PDGFD: variants seen among roughly 807,000 people sequenced by gnomAD.
PDGFD encodes the protein platelet derived growth factor D.
PDGFD carries 30 observed loss-of-function variants against 44.7 expected under a neutral mutation model. That is an observed-to-expected ratio of 0.67 (90% CI 0.50 to 0.91). The LOEUF (loss-of-function observed/expected upper bound fraction) is 0.91, where lower values mean the gene tolerates loss of function less well. Ranked by LOEUF, PDGFD falls within the 40% of genes least tolerant of loss-of-function variation. The pLI, the probability that PDGFD is intolerant of heterozygous loss-of-function variation, is 0.00. For missense variants in PDGFD, 445 were observed against 457.8 expected, an observed-to-expected ratio of 0.97 and a Z score of 0.25; for synonymous variants, 173 against 168.4, an observed-to-expected ratio of 1.03 and a Z score of -0.21.
chr11:103,951,887 T>C (rs1026946602), intron 3 of PDGFD, among the ~76,000 whole-genome samples: 1 of 152,232 alleles, frequency 6.6e-6, no homozygotes, highest in Admixed American at 6.5e-5. Context: ...ATTGTCTCTT[T>C]CCTCAAGTGA....
intron 1 of PDGFD, among the ~76,000 whole-genome samples, chr11:104,162,574 G>C (rs565242948): frequency 6.6e-6 from 1 of 151,484 alleles, no homozygotes. Context: ...TGACTCTGTG[G>C]CTTCCCCTGC....
chr11:104,021,310 T>C (rs1263067426), intron 1 of PDGFD, among the ~76,000 whole-genome samples: 3 of 152,204 alleles, frequency 2.0e-5, no homozygotes, highest in Non-Finnish European at 4.4e-5. Flanking sequence ...AAGTGTATGA[T>C]ATGATAGATT....
Position 104,035,576 on chromosome 11 carries a change from T to C in PDGFD, c.125-35321A>G, listed in dbSNP as rs1200396333. On this transcript the variant is annotated intron_variant, in intron 1 of 6. Transcript: ENST00000393158. Reference sequence around the variant, plus strand: ...ACTTCTTTTTCTTTTTTTTTTTTTTTTTTTTTGGAGGAGGAATTCTTGCTA... The same window carrying C: ...ACTTCTTTTTCTTTTTTTTTTTTTTCTTTTTTGGAGGAGGAATTCTTGCTA... Among the ~76,000 whole-genome samples, 1,098 of 149,996 alleles carry C rather than the reference T, an allele frequency of 7.3e-3. 29 individuals are homozygous for C. Among genetic ancestry groups the C allele is most frequent in the Non-Finnish European group, 7.0e-3 (470 of 67,448 alleles).
At chr11:104,098,425 A>G (rs1171498329) in intron 1 of PDGFD, among the ~76,000 whole-genome samples, 2 of 152,144 alleles carry the variant, frequency 1.3e-5, no homozygotes, top group Admixed American at 6.5e-5. Context: ...AGTTGCTCCC[A>G]TAAGAAGTAT....
At chr11:104,146,147 A>G (rs551252763) in intron 1 of PDGFD, among the ~76,000 whole-genome samples, 1 of 152,350 alleles carries the variant, frequency 6.6e-6, no homozygotes, top group South Asian at 2.1e-4. Flanking sequence ...TTCGACAAAC[A>G]CTGAATTAAC....
chr11:104,000,161 G>A lies in PDGFD; in HGVS notation c.219C>T (p.Tyr73=). The A allele has an allele frequency of 6.2e-7, 1 of 1,613,994 alleles. No homozygotes were observed. Among genetic ancestry groups the A allele is most frequent in the South Asian group, 1.1e-5 (1 of 91,074 alleles). The change falls in exon 2 of 7, where the codon TAC becomes TAT. Residue 73 remains tyrosine (Y), a synonymous_variant. Transcript: ENST00000393158. ...YVQSPRFPNS[Y]PRNLLLTWRL... ...GCCATGTCAGGAGCAGGTTCCTGGG[G>A]TAGCTGTTCGGGAATCTAGGACTCT...
rs1282338263 is a variant in PDGFD, at chr11:103,908,207, G to C, written c.*1487C>G. On this transcript the variant is annotated 3_prime_UTR_variant, in exon 7 of 7. Coordinates refer to ENST00000393158, the MANE Select transcript of PDGFD (RefSeq NM_025208.5). ...TCTGTTAGCAGTCCCTGAGCTATCT[G>C]AATTTCGGTGTTTCTCTCTTAAGCC... is the stretch of plus-strand genomic sequence containing the variant. The C allele has an allele frequency of 6.6e-6, 1 of 152,176 alleles. No individual in the cohort carries two copies. Among genetic ancestry groups the C allele is most frequent in the Non-Finnish European group, 1.5e-5 (1 of 68,026 alleles). 9.4% of individuals were successfully genotyped at this position (152,176 alleles called of 1,614,324 possible). A position where few individuals can be genotyped will look rare whatever the true frequency, so the allele number is the denominator to read the frequency against.
At chr11:104,007,751 A>C (rs908588165) in intron 1 of PDGFD, among the ~76,000 whole-genome samples, 2 of 152,224 alleles carry the variant, frequency 1.3e-5, no homozygotes, top group African/African-American at 4.8e-5. Flanking sequence ...ATGATCCTAT[A>C]ATATGTCATA....
intron 3 of PDGFD, among the ~76,000 whole-genome samples, chr11:103,949,640 A>G (rs1261984457): frequency 1.3e-5 from 2 of 152,226 alleles, no homozygotes; most frequent in African/African-American, 4.8e-5. Flanking sequence ...TGCTATTAAT[A>G]CTTTCTGAGC....
chr11:103,996,015 C>T (rs764347797), intron 3 of PDGFD, 50 bp downstream of exon 3: 10 of 1,519,236 alleles, frequency 6.6e-6, no homozygotes, highest in Non-Finnish European at 4.5e-6. Context: ...GATCTCTACA[C>T]TTCATGAAAC....
At chr11:103,998,160 A>G (rs527521490) in intron 2 of PDGFD, among the ~76,000 whole-genome samples, 13 of 152,178 alleles carry the variant, frequency 8.5e-5, no homozygotes, top group Non-Finnish European at 1.6e-4. Flanking sequence ...AACTCTTGGA[A>G]TTTCTGAGTG....
intron 1 of PDGFD, among the ~76,000 whole-genome samples, chr11:104,110,309 T>A (rs10895573): frequency 0.1 from 15,629 of 151,726 alleles, 959 homozygotes; most frequent in East Asian, 0.32. Flanking sequence ...TAAAAATTTT[T>A]AAAAATTAAA....
intron 5 of PDGFD, among the ~76,000 whole-genome samples, chr11:103,941,825 T>C (rs1394756488): frequency 6.6e-6 from 1 of 152,144 alleles, no homozygotes; most frequent in East Asian, 1.9e-4. Context: ...TTATTGCTCG[T>C]TTGTCCAATA....
intron 3 of PDGFD, among the ~76,000 whole-genome samples, chr11:103,988,170 T>TC (rs1403408397): frequency 6.6e-6 from 1 of 152,148 alleles, no homozygotes; most frequent in Non-Finnish European, 1.5e-5. Flanking sequence ...TACTTCGTTT[T>TC]CCTCATTTTC....
intron 1 of PDGFD, among the ~76,000 whole-genome samples, chr11:104,074,413 T>C (rs900839869): frequency 5.3e-5 from 8 of 152,244 alleles, no homozygotes; most frequent in Non-Finnish European, 1.2e-4. Context: ...ACATCTTAAA[T>C]GTTTCTGGGT....
At chr11:103,987,841 C>T (rs1859392737) in intron 3 of PDGFD, among the ~76,000 whole-genome samples, 3 of 145,048 alleles carry the variant, frequency 2.1e-5, no homozygotes, top group African/African-American at 7.7e-5. Context: ...GCTGTTGCCT[C>T]CCTGACACAG....
intron 3 of PDGFD, among the ~76,000 whole-genome samples, chr11:103,965,491 C>G (rs1047026731): frequency 6.6e-6 from 1 of 152,186 alleles, no homozygotes; most frequent in Non-Finnish European, 1.5e-5. Context: ...AAAATTCCCC[C>G]TTGACATTTG....
chr11:104,156,745 A>G (rs774156725), intron 1 of PDGFD, among the ~76,000 whole-genome samples: 2 of 152,248 alleles, frequency 1.3e-5, no homozygotes, highest in Non-Finnish European at 2.9e-5. Context: ...ATCAACAGTT[A>G]TAAGAAACAA....
chr11:103,977,777 C>T (rs1859205372), intron 3 of PDGFD, among the ~76,000 whole-genome samples: 1 of 152,070 alleles, frequency 6.6e-6, no homozygotes, highest in South Asian at 2.1e-4. Flanking sequence ...GGGACACTTG[C>T]CACTTATTAT....
Sources: allele counts gnomAD v4.1 joint callset (sites outside exome capture counted in the v4.1 genomes callset), GRCh38; gene constraint gnomAD v4.1.1; transcripts MANE v1.5; gene names NCBI Gene and HGNC (gene_info 2026-07-23, HGNC 2026-07-21).